Variants in MACROD1 observed in about 807,000 individuals in gnomAD.
MACROD1 encodes the protein ADP-ribose glycohydrolase MACROD1.
In MACROD1, 31 loss-of-function variants were observed where a neutral mutation model predicts 41.4. The observed-to-expected ratio is 0.75, with a 90% CI of 0.56 to 1.01. The LOEUF (loss-of-function observed/expected upper bound fraction) is 1.01. Ranked by LOEUF, MACROD1 falls within the 50% of genes least tolerant of loss-of-function variation. The pLI is 0.00. For missense variants in MACROD1, 473 were observed against 460.0 expected (o/e 1.03, Z -0.26); for synonymous variants, 252 against 203.4 (o/e 1.24, Z -2.03).
At chr11:64,088,116 C>G (rs1431849247) in intron 3 of MACROD1, among the ~76,000 whole-genome samples, 1 of 152,204 alleles carries the variant, frequency 6.6e-6, no homozygotes, top group East Asian at 1.9e-4. Context: ...CCCAGGGCCC[C>G]AGGAGTTCTG....
At chr11:64,165,450 C>T (rs776338585) in intron 1 of MACROD1, among the ~76,000 whole-genome samples, 3 of 152,204 alleles carry the variant, frequency 2.0e-5, no homozygotes, top group Non-Finnish European at 4.4e-5. Flanking sequence ...AGGCCGCCTT[C>T]CTCACGCTGC....
intron 3 of MACROD1, among the ~76,000 whole-genome samples, chr11:64,024,278 T>G (rs1272832655): frequency 6.6e-6 from 1 of 152,212 alleles, no homozygotes; most frequent in Non-Finnish European, 1.5e-5. Flanking sequence ...ATGACACATT[T>G]ATCAAATAAG....
At chr11:64,119,660 C>A (rs1945062345) in intron 3 of MACROD1, among the ~76,000 whole-genome samples, 2 of 152,146 alleles carry the variant, frequency 1.3e-5, no homozygotes. Context: ...GCTGGGCCCA[C>A]CCCTGGGACT....
chr11:64,113,232 T>C (rs1944892673), intron 3 of MACROD1, among the ~76,000 whole-genome samples: 1 of 152,238 alleles, frequency 6.6e-6, no homozygotes, highest in Non-Finnish European at 1.5e-5. Flanking sequence ...GACTTAAATA[T>C]TAGGAAAGTT....
chr11:64,048,637 C>T (rs1943631442), intron 3 of MACROD1, among the ~76,000 whole-genome samples: 1 of 152,210 alleles, frequency 6.6e-6, no homozygotes, highest in Non-Finnish European at 1.5e-5. Context: ...CCGCTAAGCA[C>T]TTTATGCGTC....
chr11:64,131,676 A>G (rs1284852580), intron 3 of MACROD1, among the ~76,000 whole-genome samples: 1 of 152,094 alleles, frequency 6.6e-6, no homozygotes, highest in African/African-American at 2.4e-5. Flanking sequence ...CTGGGAGCAG[A>G]GACTACCCTG....
At chr11:64,131,900 G>A (rs1410041772) in intron 3 of MACROD1, among the ~76,000 whole-genome samples, 1 of 152,166 alleles carries the variant, frequency 6.6e-6, no homozygotes, top group South Asian at 2.1e-4. Context: ...AAGCTGAGGA[G>A]GGGGGCAGGG....
chr11:64,164,529 T>A (rs1469042548), intron 1 of MACROD1, among the ~76,000 whole-genome samples: 1 of 152,166 alleles, frequency 6.6e-6, no homozygotes, highest in East Asian at 1.9e-4. Context: ...CTCCTGCTGT[T>A]CTGGGGCAAG....
Position 63,998,863 on chromosome 11 carries a change from G to C in MACROD1, c.*5C>G. The C allele has an allele frequency of 6.3e-7, 1 of 1,592,522 alleles. No individual in the cohort carries two copies. Among genetic ancestry groups the C allele is most frequent in the Non-Finnish European group, 8.5e-7 (1 of 1,171,218 alleles). On this transcript the variant is annotated 3_prime_UTR_variant, in exon 10 of 11. Coordinates refer to ENST00000255681, the MANE Select transcript of MACROD1 (RefSeq NM_014067.4). ...CAGTCCCGGTCAGGGTGGGCTGCGGGAGCCTCAGGCTGGAAGGCAGAGGAC... is the reference window on the plus strand; with the variant it reads ...CAGTCCCGGTCAGGGTGGGCTGCGGCAGCCTCAGGCTGGAAGGCAGAGGAC...
chr11:64,124,326 C>T (rs1030710387), intron 3 of MACROD1, among the ~76,000 whole-genome samples: 1 of 152,222 alleles, frequency 6.6e-6, no homozygotes, highest in African/African-American at 2.4e-5. Flanking sequence ...CACGTGCAGT[C>T]CAACACGCTC....
intron 3 of MACROD1, among the ~76,000 whole-genome samples, chr11:64,055,826 T>C (rs1281255632): frequency 1.3e-5 from 2 of 152,134 alleles, no homozygotes; most frequent in African/African-American, 4.8e-5. Context: ...TCTTTCTGGG[T>C]ACCATTCTTA....
intron 3 of MACROD1, among the ~76,000 whole-genome samples, chr11:64,112,999 T>C (rs1044395934): frequency 1.3e-5 from 2 of 152,226 alleles, no homozygotes; most frequent in Admixed American, 6.5e-5. Flanking sequence ...CCTGGCAGTT[T>C]GGTGACATGA....
At chr11:64,117,075 G>A (rs768000465) in intron 3 of MACROD1, 23 of 1,601,848 alleles carry the variant, frequency 1.4e-5, no homozygotes, top group Middle Eastern at 1.6e-4. Flanking sequence ...CCTGCCCAGC[G>A]CCCACCTGCA....
chr11:64,127,154 G>A (rs1945196258), intron 3 of MACROD1, among the ~76,000 whole-genome samples: 1 of 152,220 alleles, frequency 6.6e-6, no homozygotes, highest in African/African-American at 2.4e-5. Context: ...CTTCTTGTAG[G>A]TGCCTTGAAA....
intron 3 of MACROD1, among the ~76,000 whole-genome samples, chr11:64,030,710 A>G (rs2134364094): frequency 6.6e-6 from 1 of 152,310 alleles, no homozygotes; most frequent in South Asian, 2.1e-4. Context: ...TGAGTGCTAC[A>G]AAACAGAAGT....
intron 4 of MACROD1, among the ~76,000 whole-genome samples, chr11:64,000,742 G>A (rs320155): frequency 0.023 from 3,571 of 152,172 alleles, 132 homozygotes; most frequent in African/African-American, 0.079. Flanking sequence ...GCCCTGTCCC[G>A]GGCGCGCTGC....
At chr11:64,148,395 C>G (rs1269443513) in intron 3 of MACROD1, among the ~76,000 whole-genome samples, 1 of 152,214 alleles carries the variant, frequency 6.6e-6, no homozygotes, top group Admixed American at 6.5e-5. Context: ...CTGTTCCCCA[C>G]AACAAAATCC....
chr11:64,059,056 C>T (rs1210861305), intron 3 of MACROD1, among the ~76,000 whole-genome samples: 1 of 152,178 alleles, frequency 6.6e-6, no homozygotes, highest in Non-Finnish European at 1.5e-5. Context: ...TGAGGATGGG[C>T]ACCCAATTTG....
intron 4 of MACROD1, among the ~76,000 whole-genome samples, chr11:64,003,703 G>A (rs991260845): frequency 2.0e-5 from 3 of 152,156 alleles, no homozygotes; most frequent in South Asian, 4.1e-4. Context: ...TTGCCCACAC[G>A]GCTGGAAGGT....
Sources: allele counts gnomAD v4.1 joint callset (sites outside exome capture counted in the v4.1 genomes callset), GRCh38; gene constraint gnomAD v4.1.1; transcripts MANE v1.5; gene names NCBI Gene and HGNC (gene_info 2026-07-23, HGNC 2026-07-21).